UAP1: variants seen among roughly 807,000 people sequenced by gnomAD.
UAP1 encodes UDP-N-acetylhexosamine pyrophosphorylase.
In UAP1, 25 loss-of-function variants were observed where a neutral mutation model predicts 58.5. The observed-to-expected ratio is 0.43, with a 90% CI of 0.31 to 0.60. The LOEUF is 0.60. Among genes scored for constraint, UAP1 ranks in the 20% least tolerant of loss-of-function variants. The pLI, the probability that UAP1 is intolerant of heterozygous loss-of-function variation, is 0.11. For synonymous variants in UAP1, 208 were observed against 213.0 expected, an observed-to-expected ratio of 0.98 and a Z score of 0.21; for missense variants, 575 against 630.0, an observed-to-expected ratio of 0.91 and a Z score of 0.93.
chr1:162,584,878 A>T (rs1378782224), intron 5 of UAP1, among the ~76,000 whole-genome samples: 1 of 152,178 alleles, frequency 6.6e-6, no homozygotes, highest in African/African-American at 2.4e-5. Context: ...TAGTTTGCAA[A>T]AGTACAAAGT....
intron 3 of UAP1, among the ~76,000 whole-genome samples, chr1:162,579,158 A>G (rs1366820595): frequency 6.6e-6 from 1 of 152,184 alleles, no homozygotes; most frequent in Non-Finnish European, 1.5e-5. Context: ...TACTTAAGCC[A>G]TTTTATAGGT....
At chr1:162,581,191 G>GT in intron 4 of UAP1, 96 bp from the exon 5 acceptor site, 1 of 1,395,788 alleles carries the variant, frequency 7.2e-7, no homozygotes, top group Non-Finnish European at 9.6e-7. Context: ...AGCGAATTTT[G>GT]TTTTTTAGGG....
chr1:162,566,202 T>C, exon 2 of UAP1: 1 of 1,614,160 alleles, frequency 6.2e-7, no homozygotes, highest in Non-Finnish European at 8.5e-7. Flanking sequence ...TTTGAGGAGC[T>C]GAACTTCTTT....
intron 5 of UAP1, among the ~76,000 whole-genome samples, chr1:162,584,388 A>G (rs1461977298): frequency 6.6e-6 from 1 of 152,266 alleles, no homozygotes; most frequent in Non-Finnish European, 1.5e-5. Context: ...TTAAAATAAG[A>G]AAATCAAAGC....
chr1:162,580,082 G>C (rs1183059420), intron 4 of UAP1, among the ~76,000 whole-genome samples: 1 of 152,062 alleles, frequency 6.6e-6, no homozygotes, highest in South Asian at 2.1e-4. Context: ...GGCTAGGCTG[G>C]TCTCAAACTC....
rs79075474 is a variant in UAP1, at chr1:162,591,095, T to C, written c.1358+584T>C. Among the ~76,000 whole-genome samples, 6 of 152,050 alleles carry C rather than the reference T, an allele frequency of 3.9e-5. No individual in the cohort carries two copies. In the East Asian group the frequency reaches 1.2e-3, roughly 29 times the overall value. The stretch of plus-strand genomic sequence containing the variant: ...GCACATGCCACCACACCCAGCTAAT[T>C]TTTATATTTTTAGTAGAGATGGGCT... On this transcript the variant is annotated intron_variant, in intron 8 of 10. Transcript: ENST00000271469.
chr1:162,577,435 CTTTTTTTTTTT>C lies in UAP1; in HGVS notation c.485+475_485+485del, dbSNP rs67627704. On this transcript the variant is annotated intron_variant, in intron 3 of 10. Coordinates refer to ENST00000271469, the Ensembl canonical transcript of UAP1. Reference sequence around the variant, plus strand: ...ACCTTGGTCAGTGTTAGTTCCTTCCCTTTTTTTTTTTTTTTTTTTTTTTTTTTTTTTGAGAC... The same window carrying C: ...ACCTTGGTCAGTGTTAGTTCCTTCCCTTTTTTTTTTTTTTTTTTTTGAGAC... Among the ~76,000 whole-genome samples the C allele has an allele frequency of 3.5e-3, 330 of 95,230 alleles. 6 individuals carry two copies. In the East Asian group the frequency reaches 0.042, roughly 12 times the overall value. 62.5% of individuals were successfully genotyped at this position (95,230 alleles called of 152,430 possible).
intron 2 of UAP1, among the ~76,000 whole-genome samples, chr1:162,569,916 A>G (rs1277845941): frequency 1.3e-5 from 2 of 152,130 alleles, no homozygotes; most frequent in African/African-American, 4.8e-5. Context: ...TTGGGAGGCC[A>G]AGGCAGGAGG....
At chr1:162,577,434 C>CTTTTTTTTTTTT (rs1557970274) in intron 3 of UAP1, among the ~76,000 whole-genome samples, 8 of 138,226 alleles carry the variant, frequency 5.8e-5, no homozygotes, top group African/African-American at 2.3e-4. Context: ...TAGTTCCTTC[C>CTTTTTTTTTTTT]CTTTTTTTTT....
chr1:162,571,651 G>A (rs551012068), intron 2 of UAP1, among the ~76,000 whole-genome samples: 2 of 152,140 alleles, frequency 1.3e-5, no homozygotes, highest in Non-Finnish European at 2.9e-5. Flanking sequence ...ACATTTTTCA[G>A]GTAGGTGCTG....
In UAP1 at chr1:162,599,330, T is replaced by TG; in HGVS notation, c.1538dup (p.Val514SerfsTer3). 1 of 1,612,214 alleles carries TG rather than the reference T, an allele frequency of 6.2e-7. No individual in the cohort carries two copies. The highest frequency in any genetic ancestry group is 2.2e-5 in the East Asian group (1 of 44,816). ...ATGCACCTCTAATCATCGATGAGAA[T>TG]GGAGTTCATGAGCTGGTGAAAAATG... On this transcript the variant is annotated frameshift_variant, in exon 11 of 11. Transcript: ENST00000271469. LOFTEE classifies it high-confidence loss of function.
At position 162,590,978 on chromosome 1, in the gene UAP1, C is replaced by T. The variant is rs532776403; in HGVS notation, c.1358+467C>T. ...CTTGCTTTGTCACCAGGTTGGAGTG[C>T]AGTGGCACAGTCTCAGCTCACTGCA... On this transcript the variant is annotated intron_variant, in intron 8 of 10. Transcript: ENST00000271469. 2.2e-3 allele frequency among the ~76,000 whole-genome samples: 336 copies of T among 149,356 alleles called. 2 individuals are homozygous for T. Among genetic ancestry groups the T allele is most frequent in the African/African-American group, 8.1e-3 (325 of 40,358 alleles).
chr1:162,595,022 A>G (rs1233315751), intron 9 of UAP1, among the ~76,000 whole-genome samples: 1 of 152,212 alleles, frequency 6.6e-6, no homozygotes, highest in Non-Finnish European at 1.5e-5. Context: ...AATGGAAACA[A>G]CCATGCTGAG....
intron 4 of UAP1, 81 bp downstream of exon 4, chr1:162,579,684 G>A: frequency 8.1e-7 from 1 of 1,240,414 alleles, no homozygotes; most frequent in South Asian, 1.7e-5. Flanking sequence ...TTTTAACATG[G>A]TGATTTTGAT....
chr1:162,579,746 A>C, intron 4 of UAP1, 143 bp downstream of exon 4: 1 of 741,728 alleles, frequency 1.3e-6, no homozygotes, highest in Non-Finnish European at 2.0e-6. Context: ...TGATTTAAAA[A>C]GATGAAAATG....
chr1:162,579,524 T>C (rs776857153), exon 4 of UAP1: 1 of 1,612,024 alleles, frequency 6.2e-7, no homozygotes, highest in South Asian at 1.1e-5. Flanking sequence ...TAATCTTTTT[T>C]CAGCAAGGAA....
chr1:162,598,812 G>A (rs1471534729), intron 10 of UAP1, among the ~76,000 whole-genome samples: 1 of 152,068 alleles, frequency 6.6e-6, no homozygotes, highest in Admixed American at 6.6e-5. Flanking sequence ...TCAGGAGTTC[G>A]AGACCAGCCT....
chr1:162,579,602 A>C, exon 4 of UAP1: 1 of 1,561,802 alleles, frequency 6.4e-7, no homozygotes, highest in African/African-American at 1.4e-5. Context: ...CTATGGCTCC[A>C]GGTTTGTAAT....
chr1:162,565,921 G>T, intron 1 of UAP1, 91 bp from the exon 2 acceptor site: 1 of 795,042 alleles, frequency 1.3e-6, no homozygotes, highest in East Asian at 2.7e-5. Flanking sequence ...TTTTAACATC[G>T]TTTTGAAATA....
Sources: allele counts gnomAD v4.1 joint callset (sites outside exome capture counted in the v4.1 genomes callset), GRCh38; gene constraint gnomAD v4.1.1; transcripts MANE v1.5; gene names NCBI Gene and HGNC (gene_info 2026-07-23, HGNC 2026-07-21).